Variants in CDK13 observed in about 807,000 individuals in gnomAD.
CDK13 encodes cyclin-dependent kinase 13.
Under a neutral mutation model 137.6 loss-of-function variants are expected in CDK13, and 40 were observed. That is an observed-to-expected ratio of 0.29 (90% CI 0.23 to 0.38). CDK13 has a LOEUF of 0.38. Ranked by LOEUF, CDK13 falls within the 10% of genes least tolerant of loss-of-function variation. CDK13 has a pLI of 1.00. For synonymous variants in CDK13, 869 were observed against 760.1 expected (o/e 1.14, Z -2.36); for missense variants, 1,704 against 1,951.8 (o/e 0.87, Z 2.39).
At position 39,950,656 on chromosome 7, in the gene CDK13, G is replaced by C; in HGVS notation, c.15G>C (p.Ser5=). The change falls in exon 1 of 14, where the codon TCG becomes TCC. Residue 5 remains serine (S), a synonymous_variant. Transcript: ENST00000181839. ...GGCTCTAGGCGATGCCGAGCAGCTC[G>C]GACACGGCGCTGGGGGGAGGCGGGG... is the stretch of plus-strand genomic sequence containing the variant. The part of the protein sequence containing the change: MPSS[S]DTALGGGGGL... 1 of 1,343,758 alleles carries C rather than the reference G, an allele frequency of 7.4e-7. No individual in the cohort carries two copies. Among genetic ancestry groups the C allele is most frequent in the Non-Finnish European group, 9.5e-7 (1 of 1,050,356 alleles). 83.2% of individuals were successfully genotyped at this position (1,343,758 alleles called of 1,614,324 possible).
chr7:40,089,794 CTTCTTAAGAGATGAGTATA>C (rs1786881395), intron 12 of CDK13, among the ~76,000 whole-genome samples: 2 of 150,982 alleles, frequency 1.3e-5, no homozygotes, highest in South Asian at 4.2e-4. Flanking sequence ...TAGACTAGCA[CTTCTTAAGAGATGAGTATA>C]TGTTGATTGA....
intron 9 of CDK13, among the ~76,000 whole-genome samples, chr7:40,074,781 A>G (rs1584073616): frequency 3.3e-5 from 5 of 151,714 alleles, no homozygotes; most frequent in Admixed American, 3.3e-4. Flanking sequence ...TGATTGCATC[A>G]CTGACCTCCA....
intron 2 of CDK13, among the ~76,000 whole-genome samples, chr7:39,992,774 C>T (rs922731584): frequency 6.6e-6 from 1 of 151,566 alleles, no homozygotes; most frequent in Non-Finnish European, 1.5e-5. Flanking sequence ...TTCTTGGTAT[C>T]GTTTAACTTG....
rs1161402436 is a variant in CDK13 at position 39,950,875 on chromosome 7, C to G, written c.234C>G (p.Ser78=). Residue 78 remains serine, a synonymous_variant, in exon 1 of 14, where the codon TCC becomes TCG. Coordinates refer to ENST00000181839, the MANE Select transcript of CDK13 (RefSeq NM_003718.5). ...CAGCCGCCGCCGCCGCGGCCTCCTC[C>G]TCTTGCTTCAGCCCGGGCCCCCCTC... ...AAAAAAAAAS[S]SCFSPGPPLE... is the part of the protein sequence containing the mutation. 2 of 1,364,756 alleles carry G rather than the reference C, an allele frequency of 1.5e-6. No individual in the cohort carries two copies. The highest frequency in any genetic ancestry group is 1.9e-6 in the Non-Finnish European group (2 of 1,069,764). 84.5% of individuals were successfully genotyped at this position (1,364,756 alleles called of 1,614,324 possible).
At chr7:39,951,962 A>C in intron 1 of CDK13, 110 bp downstream of exon 1, 1 of 1,141,590 alleles carries the variant, frequency 8.8e-7, no homozygotes, top group Admixed American at 3.7e-5. Flanking sequence ...CACCACCGAG[A>C]CGAGACAACA....
At chr7:40,055,667 CT>C (rs1233694234) in intron 7 of CDK13, among the ~76,000 whole-genome samples, 1 of 151,388 alleles carries the variant, frequency 6.6e-6, no homozygotes, top group East Asian at 1.9e-4. Context: ...CAACCTCTGC[CT>C]CCTGGGTTCA....
chr7:40,015,818 A>G (rs546554435), intron 5 of CDK13, among the ~76,000 whole-genome samples: 1 of 152,316 alleles, frequency 6.6e-6, no homozygotes, highest in Non-Finnish European at 1.5e-5. Context: ...GTCACATCTG[A>G]CTAGCTGTGA....
chr7:39,958,735 A>T (rs971392706), intron 1 of CDK13, among the ~76,000 whole-genome samples: 5 of 151,080 alleles, frequency 3.3e-5, no homozygotes, highest in African/African-American at 9.7e-5. Flanking sequence ...TCTAAAGCAA[A>T]TTTTTTTTTG....
intron 7 of CDK13, chr7:40,048,327 G>A: frequency 6.6e-6 from 1 of 152,252 alleles, no homozygotes. Context: ...GATGTTCACT[G>A]TATAAGACAC....
intron 13 of CDK13, among the ~76,000 whole-genome samples, chr7:40,093,481 T>TTA (rs1343005518): frequency 1.6e-3 from 238 of 152,300 alleles, no homozygotes; most frequent in African/African-American, 5.7e-3. Flanking sequence ...AAACCTATGG[T>TTA]TAAGAAATAA....
intron 1 of CDK13, chr7:39,984,176 T>G (rs1371221379): frequency 9.8e-5 from 15 of 152,290 alleles, no homozygotes; most frequent in Admixed American, 9.8e-4. Context: ...ATCCCAGCAC[T>G]TTGCGATGCC....
At chr7:39,976,943 C>T (rs1321025086) in intron 1 of CDK13, among the ~76,000 whole-genome samples, 1 of 152,066 alleles carries the variant, frequency 6.6e-6, no homozygotes, top group African/African-American at 2.4e-5. Flanking sequence ...GAATTAGACT[C>T]GGTTTCTGCT....
At chr7:40,068,953 A>G (rs1383094406) in intron 9 of CDK13, among the ~76,000 whole-genome samples, 1 of 151,930 alleles carries the variant, frequency 6.6e-6, no homozygotes, top group Non-Finnish European at 1.5e-5. Context: ...AAAGAGATTG[A>G]CCGGGCACAG....
chr7:40,034,061 C>T (rs1785433837), intron 5 of CDK13, among the ~76,000 whole-genome samples: 1 of 152,192 alleles, frequency 6.6e-6, no homozygotes, highest in Non-Finnish European at 1.5e-5. Context: ...ATCATAACTA[C>T]ATATTTTTTT....
intron 1 of CDK13, among the ~76,000 whole-genome samples, chr7:39,978,858 T>C (rs1271844825): frequency 6.6e-6 from 1 of 152,130 alleles, no homozygotes; most frequent in African/African-American, 2.4e-5. Flanking sequence ...TAGCCTTAGA[T>C]AGAAAGAGGA....
intron 5 of CDK13, among the ~76,000 whole-genome samples, chr7:40,044,292 G>A (rs2150514222): frequency 6.7e-6 from 1 of 150,142 alleles, no homozygotes; most frequent in Non-Finnish European, 1.5e-5. Flanking sequence ...CTAGTGAATT[G>A]TTTCTTCATA....
rs545254833 is a variant in CDK13, at chr7:40,012,049, T to C, written c.2353+10018T>C. Among the ~76,000 whole-genome samples, 5 of 152,228 alleles carry C rather than the reference T, an allele frequency of 3.3e-5. No homozygotes were observed. In the South Asian group the frequency reaches 1.0e-3, roughly 32 times the overall value. ...GAAAAGATGTTCAACAACTTAGTTA[T>C]TAGGGAAGTGCAAATCAAAACCACA... On this transcript the variant is annotated intron_variant, in intron 5 of 13. Transcript: ENST00000181839.
At chr7:39,976,449 C>T (rs1784114932) in intron 1 of CDK13, among the ~76,000 whole-genome samples, 1 of 151,662 alleles carries the variant, frequency 6.6e-6, no homozygotes, top group Non-Finnish European at 1.5e-5. Context: ...ATTGACTCTG[C>T]CTCTTCTTAG....
At chr7:40,047,626 GTTTAC>G (rs1038038057) in intron 6 of CDK13, among the ~76,000 whole-genome samples, 190 bp from the exon 7 acceptor site, 7 of 151,502 alleles carry the variant, frequency 4.6e-5, no homozygotes, top group African/African-American at 1.7e-4. Flanking sequence ...TCCAAGGATA[GTTTAC>G]TTTCTTGTTT....
Sources: allele counts gnomAD v4.1 joint callset (sites outside exome capture counted in the v4.1 genomes callset), GRCh38; gene constraint gnomAD v4.1.1; transcripts MANE v1.5; gene names NCBI Gene and HGNC (gene_info 2026-07-23, HGNC 2026-07-21).